Variants in SPOCK1 observed in about 807,000 individuals in gnomAD.
The protein encoded by SPOCK1 is testican-1.
Under a neutral mutation model 55.3 loss-of-function variants are expected in SPOCK1, and 23 were observed. The ratio of observed to expected loss-of-function variants is 0.42; its 90% CI spans 0.30 to 0.59. The LOEUF (loss-of-function observed/expected upper bound fraction) is 0.59. Among genes scored for constraint, SPOCK1 ranks in the 20% least tolerant of loss-of-function variants. The probability of loss-of-function intolerance (pLI) is 0.22; values close to 1 mark genes in which losing one functional copy is unlikely to be tolerated. For synonymous variants in SPOCK1, 226 were observed against 221.0 expected, an observed-to-expected ratio of 1.02 and a Z score of -0.20; for missense variants, 499 against 552.5, an observed-to-expected ratio of 0.90 and a Z score of 0.97.
chr5:137,136,072 T>C (rs1169395644), intron 4 of SPOCK1, among the ~76,000 whole-genome samples: 1 of 152,248 alleles, frequency 6.6e-6, no homozygotes, highest in Non-Finnish European at 1.5e-5. Flanking sequence ...TTTGTAAAAG[T>C]GCCTTTAGAA....
At chr5:137,100,068 C>T (rs141833768) in intron 5 of SPOCK1, among the ~76,000 whole-genome samples, 59 of 152,238 alleles carry the variant, frequency 3.9e-4, no homozygotes, top group Non-Finnish European at 5.0e-4. Flanking sequence ...GTCTATCATA[C>T]GGCTGGATTT....
chr5:137,063,465 G>C (rs1007936080), intron 6 of SPOCK1, among the ~76,000 whole-genome samples: 3 of 151,748 alleles, frequency 2.0e-5, no homozygotes, highest in African/African-American at 4.8e-5. Flanking sequence ...ATTTGCCAGA[G>C]CTGAAGATGT....
At chr5:137,129,105 C>T (rs951993354) in intron 4 of SPOCK1, among the ~76,000 whole-genome samples, 4 of 152,214 alleles carry the variant, frequency 2.6e-5, no homozygotes, top group Middle Eastern at 3.2e-3. Flanking sequence ...CTGAGAGCTG[C>T]GCATGTCCTC....
intron 3 of SPOCK1, among the ~76,000 whole-genome samples, chr5:137,158,680 C>A (rs1754468002): frequency 6.6e-6 from 1 of 151,874 alleles, no homozygotes. Context: ...ACACAGAACA[C>A]TCCACAAAGT....
At chr5:137,173,300 TG>T (rs1754789854) in intron 3 of SPOCK1, among the ~76,000 whole-genome samples, 1 of 152,184 alleles carries the variant, frequency 6.6e-6, no homozygotes, top group African/African-American at 2.4e-5. Context: ...TTCCAATGTA[TG>T]GCCTTCAGCA....
intron 6 of SPOCK1, among the ~76,000 whole-genome samples, chr5:137,018,241 C>T (rs2126978526): frequency 6.6e-6 from 1 of 152,290 alleles, no homozygotes; most frequent in East Asian, 1.9e-4. Flanking sequence ...TTGAAAAACC[C>T]TAGTGTAGAA....
chr5:137,264,216 C>A (rs1408479324), intron 3 of SPOCK1, among the ~76,000 whole-genome samples: 1 of 152,094 alleles, frequency 6.6e-6, no homozygotes. Flanking sequence ...GGAGTGACAT[C>A]ATTTAGCAAG....
chr5:137,241,116 G>C (rs954095343), intron 3 of SPOCK1, among the ~76,000 whole-genome samples: 6 of 152,150 alleles, frequency 3.9e-5, no homozygotes, highest in African/African-American at 1.2e-4. Context: ...GGGGTGGTGG[G>C]AGCAAAGTTA....
chr5:137,449,863 G>T (rs1580933639), intron 2 of SPOCK1, among the ~76,000 whole-genome samples: 1 of 116,408 alleles, frequency 8.6e-6, no homozygotes. Flanking sequence ...CTCTGGCCTG[G>T]GCAACAAAGT....
intron 5 of SPOCK1, among the ~76,000 whole-genome samples, chr5:137,076,320 AG>A (rs1752759356): frequency 6.6e-6 from 1 of 152,238 alleles, no homozygotes; most frequent in African/African-American, 2.4e-5. Context: ...TACTTCTTGA[AG>A]GAAATAGTAT....
intron 1 of SPOCK1, 44 bp from the exon 2 acceptor site, chr5:137,498,602 G>A (rs1025091168): frequency 5.5e-6 from 7 of 1,274,550 alleles, no homozygotes; most frequent in African/African-American, 1.6e-5. Flanking sequence ...GAGGGCGGGC[G>A]GCCGCGAGCC....
chr5:137,163,501 T>G (rs1754596156), intron 3 of SPOCK1, among the ~76,000 whole-genome samples: 1 of 152,192 alleles, frequency 6.6e-6, no homozygotes, highest in Non-Finnish European at 1.5e-5. Context: ...TACTAGGCAA[T>G]GAAAGAAGAG....
intron 2 of SPOCK1, among the ~76,000 whole-genome samples, chr5:137,301,497 C>A (rs917724755): frequency 6.6e-6 from 1 of 152,098 alleles, no homozygotes; most frequent in African/African-American, 2.4e-5. Context: ...CCAACTCCAC[C>A]AACAGTTCCC....
intron 5 of SPOCK1, among the ~76,000 whole-genome samples, chr5:137,070,895 A>G (rs563556315): frequency 1.8e-4 from 27 of 152,334 alleles, no homozygotes; most frequent in African/African-American, 6.3e-4. Flanking sequence ...AGACACCACC[A>G]GAGAAAACAG....
chr5:137,223,805 A>G (rs1755900678), intron 3 of SPOCK1, among the ~76,000 whole-genome samples: 1 of 151,982 alleles, frequency 6.6e-6, no homozygotes, highest in Admixed American at 6.5e-5. Flanking sequence ...CTGCCTACTC[A>G]GGAACATCTG....
chr5:137,087,316 A>G (rs1422260804), intron 5 of SPOCK1, among the ~76,000 whole-genome samples: 1 of 152,180 alleles, frequency 6.6e-6, no homozygotes, highest in Non-Finnish European at 1.5e-5. Context: ...GCTCAGCTGC[A>G]TGAACTCAAA....
intron 5 of SPOCK1, among the ~76,000 whole-genome samples, chr5:137,106,950 C>T (rs754594191): frequency 2.0e-5 from 3 of 152,094 alleles, no homozygotes; most frequent in Non-Finnish European, 2.9e-5. Flanking sequence ...CTCACCTCTT[C>T]GACCCCCTCC....
intron 6 of SPOCK1, among the ~76,000 whole-genome samples, chr5:137,024,197 A>G (rs1293579003): frequency 1.3e-5 from 2 of 151,716 alleles, no homozygotes; most frequent in Non-Finnish European, 2.9e-5. Flanking sequence ...CTACTCTGAT[A>G]AGGTTAGCAC....
intron 4 of SPOCK1, among the ~76,000 whole-genome samples, chr5:137,129,585 T>C (rs1477599989): frequency 1.3e-5 from 2 of 152,138 alleles, no homozygotes; most frequent in Non-Finnish European, 2.9e-5. Context: ...AGGGTCCTCA[T>C]GTACTCAGTC....
Sources: allele counts gnomAD v4.1 joint callset (sites outside exome capture counted in the v4.1 genomes callset), GRCh38; gene constraint gnomAD v4.1.1; transcripts MANE v1.5; gene names NCBI Gene and HGNC (gene_info 2026-07-23, HGNC 2026-07-21).